The following USP10 variants were observed in gnomAD, a reference collection of about 807,000 sequenced individuals.
USP10 encodes ubiquitin carboxyl-terminal hydrolase 10.
USP10 carries 22 observed loss-of-function variants against 84.5 expected under a neutral mutation model. The ratio of observed to expected loss-of-function variants is 0.26; its 90% CI spans 0.19 to 0.37. The LOEUF is 0.37. Among genes scored for constraint, USP10 ranks in the 10% least tolerant of loss-of-function variants. USP10 has a pLI of 1.00. For missense variants in USP10, 1,019 were observed against 998.9 expected, an observed-to-expected ratio of 1.02 and a Z score of -0.27; for synonymous variants, 454 against 387.6, an observed-to-expected ratio of 1.17 and a Z score of -2.01.
intron 11 of USP10, among the ~76,000 whole-genome samples, chr16:84,772,205 C>A (rs1914527328): frequency 6.6e-6 from 1 of 152,122 alleles, no homozygotes; most frequent in African/African-American, 2.4e-5. Context: ...GCGCCCACCA[C>A]CACGCCTGGC....
chr16:84,701,027 C>T (rs1226474523), intron 1 of USP10, among the ~76,000 whole-genome samples: 4 of 152,144 alleles, frequency 2.6e-5, no homozygotes, highest in Admixed American at 1.3e-4. Flanking sequence ...AATTGTTGCA[C>T]ACTTTTAAAC....
chr16:84,763,311 C>T (rs1245002685), intron 9 of USP10, among the ~76,000 whole-genome samples: 1 of 152,026 alleles, frequency 6.6e-6, no homozygotes, highest in Non-Finnish European at 1.5e-5. Flanking sequence ...GGAAAATGAT[C>T]AAGCCTATAA....
At chr16:84,765,664 C>G (rs751397844) in intron 10 of USP10, among the ~76,000 whole-genome samples, 2 of 152,112 alleles carry the variant, frequency 1.3e-5, no homozygotes, top group Non-Finnish European at 2.9e-5. Flanking sequence ...TTTCTTTATC[C>G]ATTGGCCCAT....
intron 1 of USP10, among the ~76,000 whole-genome samples, chr16:84,702,993 C>CAAAAAAAAAAAAAA (rs1157728872): frequency 2.1e-4 from 11 of 52,162 alleles, no homozygotes; most frequent in African/African-American, 8.6e-4. Context: ...ACTCCCGTCT[C>CAAAAAAAAAAAAAA]AAAAAAAAAA....
intron 11 of USP10, among the ~76,000 whole-genome samples, chr16:84,770,227 C>A (rs562170391): frequency 3.3e-5 from 5 of 152,238 alleles, no homozygotes; most frequent in African/African-American, 1.2e-4. Flanking sequence ...CCAGATGAGG[C>A]CAGGACCACT....
intron 1 of USP10, among the ~76,000 whole-genome samples, chr16:84,718,205 A>T (rs1907303794): frequency 6.6e-6 from 1 of 152,196 alleles, no homozygotes; most frequent in Non-Finnish European, 1.5e-5. Flanking sequence ...GAGTTTAATT[A>T]CAAAAGAAAT....
Position 84,766,094 on chromosome 16 carries a change from C to T in USP10, c.1832+1831C>T, listed in dbSNP as rs367646533. 1.3e-3 allele frequency among the ~76,000 whole-genome samples: 205 copies of T among 152,296 alleles called. 1 individual carries two copies. The highest frequency in any genetic ancestry group is 4.5e-3 in the African/African-American group (187 of 41,568). ...TGCGTACCTGAAAGAAAGAGCACCC[C>T]TTTTGAGGCATCAAGACTTGATTCA... On this transcript the variant is annotated intron_variant, in intron 10 of 13. Coordinates refer to ENST00000219473, the MANE Select transcript of USP10 (RefSeq NM_005153.3).
intron 1 of USP10, among the ~76,000 whole-genome samples, chr16:84,730,090 A>G (rs1394688061): frequency 1.3e-5 from 2 of 152,184 alleles, no homozygotes; most frequent in African/African-American, 4.8e-5. Context: ...AACCCTCCAA[A>G]AAACGTGCTA....
chr16:84,764,853 C>T (rs994568679), intron 10 of USP10, among the ~76,000 whole-genome samples: 6 of 145,914 alleles, frequency 4.1e-5, no homozygotes, highest in African/African-American at 1.5e-4. Context: ...GAAAAAGATA[C>T]AGGAGAATGT....
At chr16:84,748,422 G>T (rs922063070) in intron 4 of USP10, among the ~76,000 whole-genome samples, 4 of 151,850 alleles carry the variant, frequency 2.6e-5, no homozygotes, top group African/African-American at 9.7e-5. Flanking sequence ...TCCTGCCTCA[G>T]CCTCCCTAGT....
In USP10 at chr16:84,700,066, C is replaced by G. The variant is rs1207254230; in HGVS notation, c.-25C>G. 4 of 1,371,226 alleles carry G rather than the reference C, an allele frequency of 2.9e-6. No individual in the cohort carries two copies. Among genetic ancestry groups the G allele is most frequent in the Admixed American group, 2.5e-5 (1 of 39,592 alleles). 84.9% of individuals were successfully genotyped at this position (1,371,226 alleles called of 1,614,324 possible). ...AGCAGCGTGAGCAGCCGGAGGATCG[C>G]GGAGTCCCAATGAAACGGGCAGCCA... On this transcript the variant is annotated 5_prime_UTR_variant, in exon 1 of 14. Coordinates refer to ENST00000219473, the MANE Select transcript of USP10 (RefSeq NM_005153.3).
chr16:84,700,119 C>A lies in USP10; in HGVS notation c.21+8C>A. The A allele has an allele frequency of 3.0e-6, 4 of 1,342,428 alleles. No homozygotes were observed. Among genetic ancestry groups the A allele is most frequent in the Non-Finnish European group, 3.9e-6 (4 of 1,025,366 alleles). 83.2% of individuals were successfully genotyped at this position (1,342,428 alleles called of 1,614,324 possible). ...GCCCTCCACAGCCCGCAGGTAGCCG[C>A]CGGTCTGCGCCTTCGGCCGGAAGGG... On this transcript the variant is annotated splice_region_variant and intron_variant, in intron 1 of 13. Transcript: ENST00000219473.
intron 7 of USP10, 27 bp from the exon 8 acceptor site, chr16:84,760,145 A>C: frequency 2.5e-6 from 4 of 1,583,976 alleles, no homozygotes; most frequent in South Asian, 1.1e-5. Context: ...TGTAGTTAGG[A>C]AAACCTGTGT....
At chr16:84,764,389 G>A in intron 10 of USP10, 126 bp downstream of exon 10, 1 of 1,291,316 alleles carries the variant, frequency 7.7e-7, no homozygotes. Flanking sequence ...TTGCTCCCCT[G>A]CCTGCTCTTC....
intron 1 of USP10, chr16:84,708,760 C>A (rs186990018): frequency 6.6e-6 from 1 of 152,192 alleles, no homozygotes; most frequent in East Asian, 1.9e-4. Flanking sequence ...AATGCAAAAT[C>A]GGGGCTTCCA....
At chr16:84,759,766 C>T (rs1355254955) in intron 6 of USP10, 125 bp from the exon 7 acceptor site, 1 of 988,476 alleles carries the variant, frequency 1.0e-6, no homozygotes. Flanking sequence ...CTAGCTGTTA[C>T]AGCATTGGTT....
Position 84,764,202 on chromosome 16 carries a change from G to A in USP10, c.1771G>A (p.Val591Ile), listed in dbSNP as rs780433322. The A allele has an allele frequency of 1.1e-5, 18 of 1,613,882 alleles. No individual in the cohort carries two copies. Among genetic ancestry groups the A allele is most frequent in the African/African-American group, 4.0e-5 (3 of 74,938 alleles). The change falls in exon 10 of 14, where the codon GTC (valine) becomes ATC (isoleucine). Residue 591 changes from valine to isoleucine, a missense_variant. By Grantham distance (29) the Val-to-Ile change is conservative. Transcript: ENST00000219473. ...AGTGGGCCCCCGGAACAAGACTTCC[G>A]TCACCCGCCAGGCGGATTTTGTTCA... ...EQVGPRNKTS[V>I]TRQADFVQTP... is the part of the protein sequence containing the mutation.
chr16:84,701,475 G>A (rs4783054), intron 1 of USP10, among the ~76,000 whole-genome samples: 98,343 of 151,968 alleles, frequency 0.65, 31,983 homozygotes, highest in Middle Eastern at 0.7. Context: ...AGACCTTTCT[G>A]TTAAAAAAAA....
intron 3 of USP10, among the ~76,000 whole-genome samples, chr16:84,742,875 A>G (rs940843724): frequency 1.3e-5 from 2 of 152,350 alleles, no homozygotes; most frequent in South Asian, 4.1e-4. Context: ...ACATTCTAGA[A>G]TGTTTTATGT....
Sources: allele counts gnomAD v4.1 joint callset (sites outside exome capture counted in the v4.1 genomes callset), GRCh38; gene constraint gnomAD v4.1.1; transcripts MANE v1.5; gene names NCBI Gene and HGNC (gene_info 2026-07-23, HGNC 2026-07-21).